GRIK4: variants seen among roughly 807,000 people sequenced by gnomAD.
The protein encoded by GRIK4 is glutamate receptor ionotropic, kainate 4.
In GRIK4, 40 loss-of-function variants were observed where a neutral mutation model predicts 104.9. The observed-to-expected ratio is 0.38, with a 90% CI of 0.30 to 0.50. The LOEUF (loss-of-function observed/expected upper bound fraction) is 0.50. GRIK4 is among the 20% of genes least tolerant of loss of function. The pLI, the probability that GRIK4 is intolerant of heterozygous loss-of-function variation, is 0.93. For missense variants in GRIK4, 1,047 were observed against 1,308.1 expected, an observed-to-expected ratio of 0.80 and a Z score of 3.08; for synonymous variants, 485 against 524.9, an observed-to-expected ratio of 0.92 and a Z score of 1.04.
chr11:120,529,155 A>G (rs1356071515), intron 1 of GRIK4, among the ~76,000 whole-genome samples: 4 of 150,176 alleles, frequency 2.7e-5, no homozygotes, highest in Non-Finnish European at 5.9e-5. Flanking sequence ...GTGCTCTTGC[A>G]GCCCCAACCC....
Position 120,953,148 on chromosome 11 carries a change from T to C in GRIK4, c.1700+184T>C, listed in dbSNP as rs978634959. ...GCTCTCTGCCCAGCTGTCGACCTCATGCTGCCCATCCAAACATTCCCCACT... is the reference window on the plus strand; with the variant it reads ...GCTCTCTGCCCAGCTGTCGACCTCACGCTGCCCATCCAAACATTCCCCACT... On this transcript the variant is annotated intron_variant, in intron 15 of 20. Transcript: ENST00000527524. The surrounding 1 kb of genome is among the most constrained non-coding windows in gnomAD (Gnocchi z 4.9). 6.6e-6 allele frequency among the ~76,000 whole-genome samples: 1 copy of C among 151,872 alleles called. No individual in the cohort carries two copies. Among genetic ancestry groups the C allele is most frequent in the African/African-American group, 2.4e-5 (1 of 41,306 alleles).
chr11:120,588,005 C>T (rs542044272), intron 1 of GRIK4, among the ~76,000 whole-genome samples: 6 of 152,252 alleles, frequency 3.9e-5, no homozygotes, highest in South Asian at 2.1e-4. Context: ...ACTTGGCTGC[C>T]GGGATTTGTC....
intron 6 of GRIK4, among the ~76,000 whole-genome samples, chr11:120,826,244 C>T (rs1355508277): frequency 6.6e-6 from 1 of 152,104 alleles, no homozygotes; most frequent in Admixed American, 6.5e-5. Flanking sequence ...ACCTTCTCTC[C>T]CAGCTTTCCT....
At chr11:120,818,647 A>G (rs1953023944) in intron 5 of GRIK4, among the ~76,000 whole-genome samples, 1 of 152,210 alleles carries the variant, frequency 6.6e-6, no homozygotes, top group African/African-American at 2.4e-5. Flanking sequence ...TCTCCCAAAA[A>G]TTTAAAAGGA....
intron 3 of GRIK4, among the ~76,000 whole-genome samples, chr11:120,732,003 C>G (rs565828242): frequency 3.3e-5 from 5 of 151,926 alleles, no homozygotes; most frequent in African/African-American, 1.2e-4. Flanking sequence ...AAAACCAACT[C>G]TCTGTTTCAT....
chr11:120,559,250 A>C (rs1031532085), intron 1 of GRIK4, among the ~76,000 whole-genome samples: 1 of 152,160 alleles, frequency 6.6e-6, no homozygotes, highest in Non-Finnish European at 1.5e-5. Context: ...CTAGCTTTGG[A>C]GGGGTCCCAG....
rs1406315935 is a variant in GRIK4, at chr11:120,988,380, G to A, written c.*2120G>A. On this transcript the variant is annotated 3_prime_UTR_variant, in exon 21 of 21. Coordinates refer to ENST00000527524, the MANE Select transcript of GRIK4 (RefSeq NM_014619.5). ...CCATCCTATGCTTCTCACAGACAAC[G>A]TGGTTCCTACTGTCAGATCACATTT... 3 of 152,140 alleles carry A rather than the reference G, an allele frequency of 2.0e-5. No individual in the cohort carries two copies. The highest frequency in any genetic ancestry group is 7.2e-5 in the African/African-American group (3 of 41,398). 9.4% of individuals were successfully genotyped at this position (152,140 alleles called of 1,614,324 possible).
chr11:120,933,314 C>T (rs1174468798), intron 13 of GRIK4, among the ~76,000 whole-genome samples: 1 of 152,194 alleles, frequency 6.6e-6, no homozygotes, highest in Non-Finnish European at 1.5e-5. Context: ...CTCCATAAGC[C>T]CTTGCTAAGA....
intron 7 of GRIK4, among the ~76,000 whole-genome samples, chr11:120,832,935 C>T (rs1167391556): frequency 6.6e-6 from 1 of 152,208 alleles, no homozygotes; most frequent in East Asian, 1.9e-4. Flanking sequence ...CCCCCAACCT[C>T]TCCAGGCGCA....
chr11:120,855,176 G>C (rs971862425), intron 8 of GRIK4, among the ~76,000 whole-genome samples: 2 of 152,162 alleles, frequency 1.3e-5, no homozygotes, highest in Non-Finnish European at 2.9e-5. Context: ...TGAGGCTGCT[G>C]GACAGCTCTC....
chr11:120,767,293 G>A (rs1951856632), intron 3 of GRIK4, among the ~76,000 whole-genome samples: 2 of 152,256 alleles, frequency 1.3e-5, no homozygotes, highest in East Asian at 1.9e-4. Context: ...TTTCCCTGAG[G>A]ATAAGTGATC....
chr11:120,882,113 A>T (rs1054070747), intron 11 of GRIK4, among the ~76,000 whole-genome samples: 8 of 152,130 alleles, frequency 5.3e-5, no homozygotes, highest in African/African-American at 1.9e-4. Flanking sequence ...CATGCTCTCC[A>T]TGGAGAGGTA....
chr11:120,808,724 G>A (rs893872949), intron 4 of GRIK4, among the ~76,000 whole-genome samples: 1 of 152,220 alleles, frequency 6.6e-6, no homozygotes, highest in Admixed American at 6.5e-5. Flanking sequence ...TGGAAGTGAT[G>A]AGGCAATTGT....
chr11:120,658,536 A>G (rs1949751082), intron 2 of GRIK4, among the ~76,000 whole-genome samples: 2 of 152,026 alleles, frequency 1.3e-5, no homozygotes, highest in African/African-American at 4.8e-5. Context: ...CTAACACTTA[A>G]TGTTGTCTTT....
intron 4 of GRIK4, among the ~76,000 whole-genome samples, chr11:120,809,251 C>T (rs1952777776): frequency 6.6e-6 from 1 of 152,218 alleles, no homozygotes; most frequent in African/African-American, 2.4e-5. Flanking sequence ...GAAGAAGTCC[C>T]TCCATGGGGC....
At chr11:120,957,591 A>ATTGTGTGTGTG (rs553062830) in intron 16 of GRIK4, among the ~76,000 whole-genome samples, 39 of 136,530 alleles carry the variant, frequency 2.9e-4, no homozygotes, top group Non-Finnish European at 4.2e-4. Context: ...GACAAAACAA[A>ATTGTGTGTGTG]TGTGTGTGTG....
Position 120,967,423 on chromosome 11 carries a change from A to C in GRIK4, c.2395+100A>C. 7.7e-7 allele frequency: 1 copy of C among 1,305,398 alleles called. No homozygotes were observed. The highest frequency in any genetic ancestry group is 1.0e-6 in the Non-Finnish European group (1 of 953,380). 80.9% of individuals were successfully genotyped at this position (1,305,398 alleles called of 1,614,324 possible). A position where few individuals can be genotyped will look rare whatever the true frequency, so the allele number is the denominator to read the frequency against. On this transcript the variant is annotated intron_variant, in intron 19 of 20. Coordinates refer to ENST00000527524, the MANE Select transcript of GRIK4 (RefSeq NM_014619.5). This position sits in a 1 kb window ranked among gnomAD's most constrained non-coding sequence, Gnocchi z 4.2. Reference sequence around the variant, plus strand: ...GTACACATAATGACTTGTAGGACCCATTGAGAACGGCCTTGGAAGGAACCT... The same window carrying C: ...GTACACATAATGACTTGTAGGACCCCTTGAGAACGGCCTTGGAAGGAACCT...
At chr11:120,949,811 G>T (rs1057080172) in intron 14 of GRIK4, among the ~76,000 whole-genome samples, 1 of 152,222 alleles carries the variant, frequency 6.6e-6, no homozygotes, top group African/African-American at 2.4e-5. Context: ...CATTGCCAAT[G>T]ATTTGAGCGA....
intron 3 of GRIK4, among the ~76,000 whole-genome samples, chr11:120,737,646 A>G (rs1458011787): frequency 6.6e-6 from 1 of 152,250 alleles, no homozygotes; most frequent in Non-Finnish European, 1.5e-5. Flanking sequence ...TAAAGTTTCA[A>G]AAACTAGGCA....
Sources: allele counts gnomAD v4.1 joint callset (sites outside exome capture counted in the v4.1 genomes callset), GRCh38; gene constraint gnomAD v4.1.1; non-coding constraint Gnocchi (gnomAD v3.1); transcripts MANE v1.5; gene names NCBI Gene and HGNC (gene_info 2026-07-23, HGNC 2026-07-21).